Variants in SPARC observed in about 807,000 individuals in gnomAD.
SPARC encodes the protein basement-membrane protein 40.
SPARC carries 23 observed loss-of-function variants against 37.7 expected under a neutral mutation model. That is an observed-to-expected ratio of 0.61 (90% CI 0.44 to 0.87). The LOEUF (loss-of-function observed/expected upper bound fraction) is 0.87, where lower values mean the gene tolerates loss of function less well. Among genes scored for constraint, SPARC ranks in the 40% least tolerant of loss-of-function variants. SPARC has a pLI of 0.00. For synonymous variants in SPARC, 155 were observed against 150.8 expected (o/e 1.03, Z -0.20); for missense variants, 312 against 389.0 (o/e 0.80, Z 1.66).
At chr5:151,671,757 C>T (rs1467746923) in intron 4 of SPARC, 63 bp from the exon 5 acceptor site, 1 of 1,600,496 alleles carries the variant, frequency 6.2e-7, no homozygotes, top group Non-Finnish European at 8.5e-7. Flanking sequence ...CCCCATCCTA[C>T]CTGGACAGAT....
rs3210714 is a variant in SPARC, at chr5:151,662,371, C to T, written c.*1200G>A. On this transcript the variant is annotated 3_prime_UTR_variant, in exon 10 of 10. Coordinates refer to ENST00000231061, the MANE Select transcript of SPARC (RefSeq NM_003118.4). ...GTAGTCATGTGTAGACATGTATGCT[C>T]ATGTGTTTTTGTGTCAGGATAATAA... 0.45 allele frequency: 68,219 copies of T among 152,502 alleles called. 16,163 individuals are homozygous for T. Among genetic ancestry groups the T allele is most frequent in the Admixed American group, 0.55 (8,356 of 15,298 alleles). 9.4% of individuals were successfully genotyped at this position (152,502 alleles called of 1,614,324 possible).
chr5:151,680,867 G>A (rs1473042440), intron 1 of SPARC, among the ~76,000 whole-genome samples: 1 of 152,200 alleles, frequency 6.6e-6, no homozygotes, highest in Non-Finnish European at 1.5e-5. Context: ...TAAAGTCCGA[G>A]GTTCCCAGAA....
At chr5:151,678,107 G>A (rs1023421954) in intron 1 of SPARC, among the ~76,000 whole-genome samples, 7 of 152,232 alleles carry the variant, frequency 4.6e-5, no homozygotes, top group African/African-American at 1.7e-4. Flanking sequence ...GTTTGAGGTT[G>A]AAGGATCAAA....
intron 4 of SPARC, 152 bp from the exon 5 acceptor site, chr5:151,671,846 G>A: frequency 1.1e-6 from 1 of 915,522 alleles, no homozygotes; most frequent in South Asian, 1.8e-5. Context: ...CTTGCACTGA[G>A]CCTCACAGTC....
In SPARC at chr5:151,675,964, C is replaced by T. The variant is rs76173181; in HGVS notation, c.57+168G>A. 9.2e-3 allele frequency among the ~76,000 whole-genome samples: 1,407 copies of T among 152,158 alleles called. 21 individuals are homozygous for T. Among genetic ancestry groups the T allele is most frequent in the African/African-American group, 0.033 (1,361 of 41,468 alleles). On this transcript the variant is annotated intron_variant, in intron 2 of 9. Coordinates refer to ENST00000231061, the MANE Select transcript of SPARC (RefSeq NM_003118.4). ...TCTCTGATACCTCCACCCAATGGTCCTCATCCCAGTTTTTATCCCGAGCTT... is the reference window on the plus strand; with the variant it reads ...TCTCTGATACCTCCACCCAATGGTCTTCATCCCAGTTTTTATCCCGAGCTT...
At chr5:151,671,868 C>T in intron 4 of SPARC, 174 bp from the exon 5 acceptor site, 1 of 739,090 alleles carries the variant, frequency 1.4e-6, no homozygotes, top group Non-Finnish European at 2.1e-6. Context: ...ACATTTAGGG[C>T]AGCAGCTGGT....
At chr5:151,669,886 A>G in intron 5 of SPARC, 102 bp from the exon 6 acceptor site, 1 of 1,482,380 alleles carries the variant, frequency 6.7e-7, no homozygotes, top group Admixed American at 1.8e-5. Context: ...AGGGTTAAGC[A>G]AGGAATGTCA....
At chr5:151,680,514 G>T (rs1760964767) in intron 1 of SPARC, among the ~76,000 whole-genome samples, 1 of 152,094 alleles carries the variant, frequency 6.6e-6, no homozygotes, top group African/African-American at 2.4e-5. Context: ...GGGATTATAG[G>T]CGTGAGCCAC....
intron 7 of SPARC, 90 bp from the exon 8 acceptor site, chr5:151,666,599 A>C (rs1760628694): frequency 8.0e-7 from 1 of 1,248,718 alleles, no homozygotes. Flanking sequence ...AGGCCAGAGC[A>C]GGCAGAGACT....
At chr5:151,669,596 A>T (rs1760701503) in intron 6 of SPARC, 68 bp downstream of exon 6, 1 of 1,555,590 alleles carries the variant, frequency 6.4e-7, no homozygotes. Context: ...GGTGGCAGAG[A>T]CAGCATCAGT....
chr5:151,671,691 G>A lies in SPARC; in HGVS notation c.212C>T (p.Pro71Leu), dbSNP rs199591638. ...ETEEEVVAEN[P>L]CQNHHCKHGK... ...GTGTTTGCAGTGGTGGTTCTGGCAGGGATCTGTAGGGCAGAAAGACAAGGG... is the reference window on the plus strand; with the variant it reads ...GTGTTTGCAGTGGTGGTTCTGGCAGAGATCTGTAGGGCAGAAAGACAAGGG... Residue 71 changes from proline (P) to leucine (L), a missense_variant, in exon 5 of 10, where the codon CCC (proline) becomes CTC (leucine). By Grantham distance (98) the Pro-to-Leu change is moderately conservative (BLOSUM62 -3). Transcript: ENST00000231061. 2 of 1,613,594 alleles carry A rather than the reference G, an allele frequency of 1.2e-6. No homozygotes were observed. Among genetic ancestry groups the A allele is most frequent in the African/African-American group, 1.3e-5 (1 of 74,970 alleles).
rs774718155 is a variant in SPARC at position 151,663,557 on chromosome 5, T to C, written c.*14A>G. The C allele has an allele frequency of 9.9e-6, 16 of 1,612,430 alleles. No homozygotes were observed. The highest frequency in any genetic ancestry group is 1.4e-5 in the Non-Finnish European group (16 of 1,178,526). On this transcript the variant is annotated 3_prime_UTR_variant, in exon 10 of 10. Transcript: ENST00000231061. ...GGGTTAAAGAGAGAATCCGGTACTG[T>C]GGAAGGAGTGGATTTAGATCACAAG...
At chr5:151,673,089 G>T in intron 4 of SPARC, 40 bp downstream of exon 4, 1 of 1,469,438 alleles carries the variant, frequency 6.8e-7, no homozygotes, top group South Asian at 1.1e-5. Flanking sequence ...AGGCAGCCAA[G>T]GGCAGCTTGG....
intron 4 of SPARC, chr5:151,672,755 T>C (rs1760774415): frequency 3.9e-6 from 1 of 259,254 alleles, no homozygotes; most frequent in Admixed American, 4.6e-5. Flanking sequence ...TCTACTTCTC[T>C]GTGGGGCACG....
At chr5:151,674,013 T>TGTGTGC (rs1433743125) in intron 3 of SPARC, among the ~76,000 whole-genome samples, 135 of 123,588 alleles carry the variant, frequency 1.1e-3, no homozygotes, top group African/African-American at 3.6e-3. Flanking sequence ...TGTGTGCTTG[T>TGTGTGC]TTGTTTGTTT....
chr5:151,679,150 A>G (rs781333416), intron 1 of SPARC: 1 of 152,214 alleles, frequency 6.6e-6, no homozygotes, highest in Non-Finnish European at 1.5e-5. Flanking sequence ...ATAAATGACC[A>G]ATATTAAACA....
chr5:151,680,785 G>T (rs1760971048), intron 1 of SPARC, among the ~76,000 whole-genome samples: 1 of 152,152 alleles, frequency 6.6e-6, no homozygotes. Context: ...ATCTTTAAAG[G>T]CTCATGGGTG....
At chr5:151,681,982 C>T (rs1761004603) in intron 1 of SPARC, among the ~76,000 whole-genome samples, 1 of 152,188 alleles carries the variant, frequency 6.6e-6, no homozygotes, top group Admixed American at 6.5e-5. Context: ...CCTAAGATAC[C>T]TTGGAACATC....
intron 2 of SPARC, among the ~76,000 whole-genome samples, 170 bp from the exon 3 acceptor site, chr5:151,674,844 A>G (rs1760823413): frequency 6.6e-6 from 1 of 152,216 alleles, no homozygotes; most frequent in Admixed American, 6.5e-5. Context: ...ACAAAGAAGA[A>G]GCCAGTCATG....
Sources: gnomAD v4.1 joint callset for allele counts (sites outside exome capture counted in the v4.1 genomes callset) on GRCh38, gnomAD v4.1.1 for gene constraint, MANE v1.5 for transcripts, NCBI Gene and HGNC (gene_info 2026-07-23, HGNC 2026-07-21) for gene names.